The following PIAS2 variants were observed in gnomAD, a reference collection of about 807,000 sequenced individuals.
PIAS2 encodes the protein protein inhibitor of activated STAT 2.
PIAS2 carries 19 observed loss-of-function variants against 69.7 expected under a neutral mutation model. The observed-to-expected ratio is 0.27, with a 90% CI of 0.19 to 0.40. The LOEUF (loss-of-function observed/expected upper bound fraction) is 0.40, where lower values mean the gene tolerates loss of function less well. Among genes scored for constraint, PIAS2 ranks in the 10% least tolerant of loss-of-function variants. The pLI is 1.00. For missense variants in PIAS2, 624 were observed against 757.0 expected (o/e 0.82, Z 2.06); for synonymous variants, 261 against 263.2 (o/e 0.99, Z 0.08).
At chr18:46,844,940 A>G in intron 6 of PIAS2, 101 bp from the exon 7 acceptor site, 1 of 479,056 alleles carries the variant, frequency 2.1e-6, no homozygotes, top group South Asian at 4.9e-5. Context: ...TAAAAATAAC[A>G]TTCAAAATAA....
intron 2 of PIAS2, among the ~76,000 whole-genome samples, chr18:46,883,598 G>A (rs549583330): frequency 3.0e-4 from 46 of 152,126 alleles, no homozygotes; most frequent in African/African-American, 1.1e-3. Context: ...CAGCACTTTG[G>A]GAAGCTGAGG....
intron 1 of PIAS2, among the ~76,000 whole-genome samples, chr18:46,895,320 G>C (rs1366216848): frequency 4.6e-5 from 7 of 152,092 alleles, no homozygotes; most frequent in African/African-American, 1.7e-4. Flanking sequence ...AGAAGCTGCT[G>C]AGGGCAACTG....
chr18:46,817,087 T>C, intron 12 of PIAS2: 4 of 945,410 alleles, frequency 4.2e-6, no homozygotes, highest in Non-Finnish European at 5.0e-6. Flanking sequence ...ATAACCGTTT[T>C]CTTTTTACAG....
chr18:46,893,253 CAATT>C (rs1228508973), intron 1 of PIAS2, among the ~76,000 whole-genome samples: 1 of 152,186 alleles, frequency 6.6e-6, no homozygotes, highest in East Asian at 1.9e-4. Context: ...GTAAATACTT[CAATT>C]GATTGTGGAA....
At chr18:46,880,424 G>A (rs914153312) in intron 2 of PIAS2, among the ~76,000 whole-genome samples, 2 of 151,962 alleles carry the variant, frequency 1.3e-5, no homozygotes, top group Admixed American at 1.3e-4. Context: ...GGCAGGGCAA[G>A]GTACAGTGAC....
chr18:46,917,430 G>T lies in PIAS2; in HGVS notation c.-85C>A. 7.4e-7 allele frequency: 1 copy of T among 1,360,478 alleles called. No homozygotes were observed. Among genetic ancestry groups the T allele is most frequent in the Non-Finnish European group, 9.5e-7 (1 of 1,055,312 alleles). The allele number at this position is 1,360,478 out of a possible 1,614,324, so 84.3% of individuals were successfully genotyped here. Reference sequence around the variant, plus strand: ...CGACGCTGCCGCCACCACGGCCGCCGCCGCCTCCAGCACCATCCTGCACTG... The same window carrying T: ...CGACGCTGCCGCCACCACGGCCGCCTCCGCCTCCAGCACCATCCTGCACTG... On this transcript the variant is annotated 5_prime_UTR_variant, in exon 1 of 14. Transcript: ENST00000585916.
chr18:46,855,994 TTTG>T (rs2047702911), intron 3 of PIAS2, among the ~76,000 whole-genome samples: 2 of 131,478 alleles, frequency 1.5e-5, no homozygotes, highest in Admixed American at 1.6e-4. Flanking sequence ...TTCTTTTTCT[TTTG>T]TTTTTTTTTT....
chr18:46,827,929 T>G, intron 11 of PIAS2, 30 bp downstream of exon 11: 1 of 1,593,552 alleles, frequency 6.3e-7, no homozygotes, highest in South Asian at 1.1e-5. Flanking sequence ...GCAAGGGTAA[T>G]GAACAATAGT....
In PIAS2 at chr18:46,836,479, C is replaced by T. The variant is rs371059031; in HGVS notation, c.1080G>A (p.Val360=). Residue 360 remains valine, a synonymous_variant, in exon 9 of 14, where the codon GTG becomes GTA. Transcript: ENST00000585916. ...KMRLTIPCRA[V]TCTHLQCFDA... ...CAAAACACTGCAGATGTGTACAAGT[C>T]ACTGCACGGCATGGGATTGTCAGCC... 11 of 1,613,704 alleles carry T rather than the reference C, an allele frequency of 6.8e-6. No individual in the cohort carries two copies. Among genetic ancestry groups the T allele is most frequent in the Non-Finnish European group, 9.3e-6 (11 of 1,179,716 alleles).
intron 1 of PIAS2, among the ~76,000 whole-genome samples, chr18:46,899,258 T>A (rs943629581): frequency 1.3e-5 from 2 of 152,162 alleles, no homozygotes; most frequent in South Asian, 4.1e-4. Flanking sequence ...AGTAGAGGAT[T>A]TGCCATTTTA....
chr18:46,826,005 C>T (rs534670187), intron 11 of PIAS2, among the ~76,000 whole-genome samples: 20 of 152,244 alleles, frequency 1.3e-4, no homozygotes, highest in Non-Finnish European at 2.5e-4. Context: ...GAGTCTGTTT[C>T]TTAAGAGTTC....
chr18:46,879,550 C>T (rs972857385), intron 2 of PIAS2, among the ~76,000 whole-genome samples: 14 of 152,214 alleles, frequency 9.2e-5, no homozygotes, highest in African/African-American at 2.7e-4. Flanking sequence ...CGCAATTTCA[C>T]TTCTGGGTGT....
At chr18:46,894,030 G>A (rs1230981035) in intron 1 of PIAS2, among the ~76,000 whole-genome samples, 3 of 152,146 alleles carry the variant, frequency 2.0e-5, no homozygotes, top group African/African-American at 7.2e-5. Flanking sequence ...GGAGGCTGAG[G>A]CAGGAGAATT....
intron 2 of PIAS2, among the ~76,000 whole-genome samples, chr18:46,866,333 G>A (rs1375600803): frequency 6.6e-6 from 1 of 152,142 alleles, no homozygotes; most frequent in Non-Finnish European, 1.5e-5. Flanking sequence ...AGGGAACAAT[G>A]CAAATCAAGG....
intron 1 of PIAS2, among the ~76,000 whole-genome samples, chr18:46,897,511 A>G (rs574520852): frequency 3.4e-4 from 52 of 152,320 alleles, no homozygotes; most frequent in Admixed American, 1.5e-3. Context: ...TTTATTCATA[A>G]TAATACTTTA....
At chr18:46,871,215 T>G (rs898529173) in intron 2 of PIAS2, among the ~76,000 whole-genome samples, 1 of 152,076 alleles carries the variant, frequency 6.6e-6, no homozygotes. Flanking sequence ...AAAAAGTATA[T>G]GTGAGAAGAG....
chr18:46,918,462 T>G (rs2058265281), upstream of PIAS2, among the ~76,000 whole-genome samples: 1 of 152,168 alleles, frequency 6.6e-6, no homozygotes, highest in African/African-American at 2.4e-5. Flanking sequence ...CCCGCAAGTT[T>G]TGTTTTTTTG....
intron 1 of PIAS2, among the ~76,000 whole-genome samples, chr18:46,897,480 T>A (rs1446160335): frequency 1.3e-5 from 2 of 152,182 alleles, no homozygotes; most frequent in Non-Finnish European, 2.9e-5. Context: ...TTCAAACCGA[T>A]TAAATATAGT....
At chr18:46,898,295 ACAC>A (rs897823786) in intron 1 of PIAS2, among the ~76,000 whole-genome samples, 2 of 151,920 alleles carry the variant, frequency 1.3e-5, no homozygotes, top group African/African-American at 4.8e-5. Context: ...TTACTGGCAC[ACAC>A]CACCACACCT....
Sources: allele counts gnomAD v4.1 joint callset (sites outside exome capture counted in the v4.1 genomes callset), GRCh38; gene constraint gnomAD v4.1.1; transcripts MANE v1.5; gene names NCBI Gene and HGNC (gene_info 2026-07-23, HGNC 2026-07-21).